Variants in YLPM1 observed in about 807,000 individuals in gnomAD.
The protein encoded by YLPM1 is YLP motif-containing protein 1.
A neutral mutation model predicts 230.0 loss-of-function variants in YLPM1; 99 were observed. That is an observed-to-expected ratio of 0.43 (90% confidence interval 0.37 to 0.51). The LOEUF (loss-of-function observed/expected upper bound fraction) is 0.51, where lower values mean the gene tolerates loss of function less well. Ranked by LOEUF, YLPM1 falls within the 20% of genes least tolerant of loss-of-function variation. YLPM1 has a pLI of 0.00. For missense variants in YLPM1, 2,592 were observed against 2,707.7 expected (o/e 0.96, Z 0.95); for synonymous variants, 984 against 942.5 (o/e 1.04, Z -0.81).
rs1316720550 is a variant in YLPM1 at position 74,764,297 on chromosome 14, A to G, written c.808A>G (p.Lys270Glu). ...VQQEPLESGA[K>E]NKSTEQQQAA... The stretch of plus-strand genomic sequence containing the variant: ...GCAAGAGCCTTTGGAGAGTGGGGCC[A>G]AAAACAAGAGTACTGAACAGCAGCA... The change falls in exon 1 of 21, where the codon AAA becomes GAA. Residue 270 changes from lysine to glutamate, a missense_variant. Lys to Glu is a moderately conservative substitution (Grantham distance 56, BLOSUM62 1). Transcript: ENST00000325680. 1 of 1,613,676 alleles carries G rather than the reference A, an allele frequency of 6.2e-7. No individual in the cohort carries two copies. The highest frequency in any genetic ancestry group is 1.1e-5 in the South Asian group (1 of 91,064).
chr14:74,822,345 T>A (rs2091528299), intron 17 of YLPM1, among the ~76,000 whole-genome samples: 1 of 152,148 alleles, frequency 6.6e-6, no homozygotes, highest in Admixed American at 6.6e-5. Flanking sequence ...TGTGGAGATT[T>A]CAGTGGTTCA....
chr14:74,834,183 T>TAA (rs5809680), intron 19 of YLPM1, among the ~76,000 whole-genome samples: 14,835 of 130,158 alleles, frequency 0.11, 1,150 homozygotes, highest in African/African-American at 0.23. Flanking sequence ...ACTCTGACTC[T>TAA]AAAAAAAAAA....
chr14:74,779,081 A>T (rs1182936520), intron 2 of YLPM1, among the ~76,000 whole-genome samples: 3 of 152,126 alleles, frequency 2.0e-5, no homozygotes, highest in Non-Finnish European at 2.9e-5. Flanking sequence ...ACCTCAAGTG[A>T]TCCACCTGCT....
At position 74,763,364 on chromosome 14, in the gene YLPM1, C is replaced by T. The variant is rs2090868417; in HGVS notation, c.-126C>T. On this transcript the variant is annotated 5_prime_UTR_variant, in exon 1 of 21. Transcript: ENST00000325680. Reference sequence around the variant, plus strand: ...GGGAGCGCCGGCGCACTGGCGCGCTCCGTTTACACGCTCCGGGGCCTGTAG... The same window carrying T: ...GGGAGCGCCGGCGCACTGGCGCGCTTCGTTTACACGCTCCGGGGCCTGTAG... 8.3e-7 allele frequency: 1 copy of T among 1,210,650 alleles called. No homozygotes were observed. The highest frequency in any genetic ancestry group is 3.1e-5 in the East Asian group (1 of 32,494). The allele number at this position is 1,210,650 out of a possible 1,614,324, so 75.0% of individuals were successfully genotyped here.
At chr14:74,777,250 A>C (rs137872744) in intron 1 of YLPM1, among the ~76,000 whole-genome samples, 1 of 152,252 alleles carries the variant, frequency 6.6e-6, no homozygotes, top group African/African-American at 2.4e-5. Flanking sequence ...AGGCTTTTAA[A>C]ATAAATAGAA....
intron 1 of YLPM1, among the ~76,000 whole-genome samples, chr14:74,768,498 C>T (rs1171362273): frequency 6.6e-6 from 1 of 152,144 alleles, no homozygotes; most frequent in African/African-American, 2.4e-5. Context: ...CCACCTGCTT[C>T]GGCCTCCCAA....
chr14:74,809,528 C>A lies in YLPM1; in HGVS notation c.4670C>A (p.Pro1557His). 6.3e-7 allele frequency: 1 copy of A among 1,591,568 alleles called. No individual in the cohort carries two copies. The highest frequency in any genetic ancestry group is 8.6e-7 in the Non-Finnish European group (1 of 1,168,382). Reference protein sequence around the residue: ...PPPPPPPPLPPPPPVIKPQTS... With the variant: ...PPPPPPPPLPHPPPVIKPQTS... ...CCTCCACCTCCTCCACCTCTACCTC[C>A]TCCTCCTCCAGTGATAAAGCCACAA... The change falls in exon 7 of 21, where the codon CCT becomes CAT. Residue 1557 changes from proline (P) to histidine (H), a missense_variant. By Grantham distance (77) the Pro-to-His change is moderately conservative (BLOSUM62 -2). Transcript: ENST00000325680.
Position 74,799,520 on chromosome 14 carries a change from C to G in YLPM1, c.4223C>G (p.Ser1408Cys). The G allele has an allele frequency of 6.2e-7, 1 of 1,613,978 alleles. No individual in the cohort carries two copies. Among genetic ancestry groups the G allele is most frequent in the Admixed American group, 1.7e-5 (1 of 60,026 alleles). ...CGGTTGTCAGACAGATGGTACCCAT[C>G]TGATGTGGATAGACATTCCCCCATG... ...RERLSDRWYPSDVDRHSPMAE... is the reference protein window; with the variant it reads ...RERLSDRWYPCDVDRHSPMAE... Residue 1408 changes from serine to cysteine, a missense_variant, in exon 5 of 21, where the codon TCT becomes TGT. Ser to Cys is a moderately radical substitution (Grantham distance 112). Transcript: ENST00000325680.
chr14:74,796,864 A>G (rs189265565), intron 4 of YLPM1, among the ~76,000 whole-genome samples: 3 of 151,094 alleles, frequency 2.0e-5, no homozygotes, highest in Admixed American at 6.6e-5. Flanking sequence ...TTTAGTTACA[A>G]TTTAATTCCA....
chr14:74,763,770 G>A lies in YLPM1; in HGVS notation c.281G>A (p.Gly94Glu). Reference sequence around the variant, plus strand: ...CTGCCGCCCCCGCCAGTGATGCCGGGGGGCGGCTACGGAGACTGGCAGCCG... The same window carrying A: ...CTGCCGCCCCCGCCAGTGATGCCGGAGGGCGGCTACGGAGACTGGCAGCCG... ...PPLPPPPVMP[G>E]GGYGDWQPPP... is the part of the protein sequence containing the mutation. Residue 94 changes from glycine (G) to glutamate (E), a missense_variant, in exon 1 of 21, where the codon GGG (glycine) becomes GAG (glutamate). By Grantham distance (98) the Gly-to-Glu change is moderately conservative. Transcript: ENST00000325680. 6.7e-7 allele frequency: 1 copy of A among 1,488,844 alleles called. No individual in the cohort carries two copies. The highest frequency in any genetic ancestry group is 2.5e-5 in the Admixed American group (1 of 40,662). The allele number at this position is 1,488,844 out of a possible 1,614,324, so 92.2% of individuals were successfully genotyped here.
At chr14:74,774,101 A>G (rs2091007601) in intron 1 of YLPM1, among the ~76,000 whole-genome samples, 2 of 152,188 alleles carry the variant, frequency 1.3e-5, no homozygotes, top group South Asian at 4.1e-4. Context: ...CAATAAACCC[A>G]TTGTAAGTTG....
chr14:74,777,985 GAAAGA>G (rs1269972834), intron 1 of YLPM1, among the ~76,000 whole-genome samples: 1 of 148,926 alleles, frequency 6.7e-6, no homozygotes, highest in East Asian at 2.0e-4. Context: ...AAAAAAAAAA[GAAAGA>G]AAAGAGGGAG....
intron 1 of YLPM1, among the ~76,000 whole-genome samples, chr14:74,765,734 T>C (rs966285643): frequency 6.6e-6 from 1 of 152,232 alleles, no homozygotes; most frequent in Non-Finnish European, 1.5e-5. Flanking sequence ...TTTGGCTTTT[T>C]TTGGGAGGAG....
chr14:74,782,272 C>A lies in YLPM1; in HGVS notation c.2229C>A (p.Gly743=). Reference sequence around the variant, plus strand: ...AGGACATGCCAGTGAGATCAGGTGGCCTGCTTCCAGATCCTCCTAGAAGTA... The same window carrying A: ...AGGACATGCCAGTGAGATCAGGTGGACTGCTTCCAGATCCTCCTAGAAGTA... ...AVKDMPVRSG[G]LLPDPPRSSY... is the part of the protein sequence containing the mutation. The change falls in exon 4 of 21, where the codon GGC becomes GGA. Residue 743 remains glycine (G), a synonymous_variant. Transcript: ENST00000325680. 1 of 1,575,652 alleles carries A rather than the reference C, an allele frequency of 6.3e-7. No individual in the cohort carries two copies. Among genetic ancestry groups the A allele is most frequent in the Non-Finnish European group, 8.5e-7 (1 of 1,169,912 alleles).
At chr14:74,834,183 T>TAAATAAAAAAAA (rs2091627316) in intron 19 of YLPM1, among the ~76,000 whole-genome samples, 1 of 130,370 alleles carries the variant, frequency 7.7e-6, no homozygotes. Flanking sequence ...ACTCTGACTC[T>TAAATAAAAAAAA]AAAAAAAAAA....
At chr14:74,835,159 G>C in intron 19 of YLPM1, 106 bp from the exon 20 acceptor site, 1 of 1,385,322 alleles carries the variant, frequency 7.2e-7, no homozygotes, top group South Asian at 1.5e-5. Context: ...TTTTAAACTT[G>C]CGGTTTCAAA....
In YLPM1 at chr14:74,764,390, C is replaced by G. The variant is rs373093271; in HGVS notation, c.873+28C>G. The G allele has an allele frequency of 9.0e-6, 14 of 1,564,110 alleles. 1 individual carries two copies. In the African/African-American group the frequency reaches 1.2e-4, roughly 14 times the overall value. ...AAGAAAGCATCTGCCTGAACCTCAT[C>G]TTTCACCTAGAGGGCCCTGAATGAG... is the stretch of plus-strand genomic sequence containing the variant. On this transcript the variant is annotated intron_variant, in intron 1 of 20. Transcript: ENST00000325680.
Position 74,798,079 on chromosome 14 carries a change from G to A in YLPM1, c.2782G>A (p.Val928Ile). Residue 928 changes from valine to isoleucine, a missense_variant, in exon 5 of 21, where the codon GTT becomes ATT. Transcript: ENST00000325680. ...AGAGCCCTCTAATTGGGACCAGAAT[G>A]TTCAAAGTATGGAGACTCAAATCGA... ...PVEPSNWDQN[V>I]QSMETQIDKA... The A allele has an allele frequency of 6.2e-7, 1 of 1,613,922 alleles. No individual in the cohort carries two copies. The highest frequency in any genetic ancestry group is 8.5e-7 in the Non-Finnish European group (1 of 1,179,892).
At chr14:74,774,477 C>T (rs2091012579) in intron 1 of YLPM1, among the ~76,000 whole-genome samples, 1 of 152,322 alleles carries the variant, frequency 6.6e-6, no homozygotes, top group African/African-American at 2.4e-5. Flanking sequence ...GTGATCTCGG[C>T]TCACTGCAAC....
Sources: allele counts gnomAD v4.1 joint callset (sites outside exome capture counted in the v4.1 genomes callset), GRCh38; gene constraint gnomAD v4.1.1; transcripts MANE v1.5; gene names NCBI Gene and HGNC (gene_info 2026-07-23, HGNC 2026-07-21).